ARHGAP15: variants seen among roughly 807,000 people sequenced by gnomAD.
The protein encoded by ARHGAP15 is rho GTPase-activating protein 15.
In ARHGAP15, 51 loss-of-function variants were observed where a neutral mutation model predicts 63.7. The ratio of observed to expected loss-of-function variants is 0.80; its 90% CI spans 0.64 to 1.01. ARHGAP15 has a LOEUF of 1.01. Among genes scored for constraint, ARHGAP15 ranks in the 50% least tolerant of loss-of-function variants. ARHGAP15 has a pLI of 0.00. For synonymous variants in ARHGAP15, 191 were observed against 193.8 expected (o/e 0.99, Z 0.12); for missense variants, 560 against 564.6 (o/e 0.99, Z 0.08).
At chr2:143,431,668 T>C (rs1226241473) in intron 6 of ARHGAP15, among the ~76,000 whole-genome samples, 1 of 152,056 alleles carries the variant, frequency 6.6e-6, no homozygotes, top group African/African-American at 2.4e-5. Context: ...TTTCTATTGT[T>C]ATTTATCTGT....
chr2:143,217,749 G>A (rs1175136718), intron 4 of ARHGAP15, among the ~76,000 whole-genome samples: 1 of 152,102 alleles, frequency 6.6e-6, no homozygotes, highest in African/African-American at 2.4e-5. Flanking sequence ...CTCTCCCCAA[G>A]ATGAGTAAGT....
intron 11 of ARHGAP15, among the ~76,000 whole-genome samples, chr2:143,599,459 A>G (rs1320423226): frequency 6.6e-6 from 1 of 152,134 alleles, no homozygotes; most frequent in Non-Finnish European, 1.5e-5. Flanking sequence ...AGCAATGGGC[A>G]ATGTGAGTGT....
chr2:143,416,818 A>ACCCCCC (rs1558957067), intron 6 of ARHGAP15, among the ~76,000 whole-genome samples: 1 of 96,506 alleles, frequency 1.0e-5, no homozygotes, highest in African/African-American at 4.2e-5. Context: ...CACTTCCCCC[A>ACCCCCC]CCACCCCCCC....
intron 12 of ARHGAP15, among the ~76,000 whole-genome samples, chr2:143,692,408 TCAA>T (rs538529108): frequency 3.9e-5 from 6 of 152,072 alleles, no homozygotes; most frequent in Non-Finnish European, 8.8e-5. Flanking sequence ...TCATTAGCAC[TCAA>T]CAATTCACCC....
intron 13 of ARHGAP15, among the ~76,000 whole-genome samples, chr2:143,721,779 C>T (rs1321324093): frequency 6.6e-6 from 1 of 152,042 alleles, no homozygotes; most frequent in Non-Finnish European, 1.5e-5. Context: ...CTCCGCCTCC[C>T]GGGTTCAAGC....
chr2:143,654,612 A>G (rs1383844829), intron 12 of ARHGAP15, among the ~76,000 whole-genome samples: 1 of 152,206 alleles, frequency 6.6e-6, no homozygotes, highest in Non-Finnish European at 1.5e-5. Context: ...CTGAGAATAG[A>G]TACAAGCATC....
chr2:143,406,857 G>A (rs1172312800), intron 6 of ARHGAP15, among the ~76,000 whole-genome samples: 1 of 151,824 alleles, frequency 6.6e-6, no homozygotes, highest in Admixed American at 6.6e-5. Context: ...CCATCTTATG[G>A]TTCCATCTTC....
chr2:143,413,817 A>C (rs768426218), intron 6 of ARHGAP15, among the ~76,000 whole-genome samples: 3 of 152,086 alleles, frequency 2.0e-5, no homozygotes, highest in Non-Finnish European at 2.9e-5. Flanking sequence ...AGAAGAAGCA[A>C]GACCAAACTG....
chr2:143,542,690 G>C (rs10175183), intron 10 of ARHGAP15, among the ~76,000 whole-genome samples: 1 of 79,358 alleles, frequency 1.3e-5, no homozygotes, highest in African/African-American at 4.0e-5. Context: ...ATGATATATA[G>C]TATCACATAT....
chr2:143,511,171 A>AGC (rs2104959862), intron 9 of ARHGAP15, among the ~76,000 whole-genome samples: 1 of 152,384 alleles, frequency 6.6e-6, no homozygotes, highest in Admixed American at 6.5e-5. Flanking sequence ...GAGCTTAAAG[A>AGC]TTAAAAACCA....
chr2:143,685,609 G>A (rs969991872), intron 12 of ARHGAP15, among the ~76,000 whole-genome samples: 30 of 152,256 alleles, frequency 2.0e-4, no homozygotes, highest in African/African-American at 7.0e-4. Flanking sequence ...CGTGCACAAA[G>A]GGATACAGAG....
At chr2:143,279,219 T>G (rs1681722172) in intron 6 of ARHGAP15, among the ~76,000 whole-genome samples, 1 of 152,128 alleles carries the variant, frequency 6.6e-6, no homozygotes, top group Non-Finnish European at 1.5e-5. Context: ...CTTCTAGAAT[T>G]TTTTCCTCTT....
intron 12 of ARHGAP15, among the ~76,000 whole-genome samples, chr2:143,687,260 T>A (rs1683394775): frequency 6.6e-6 from 1 of 152,170 alleles, no homozygotes; most frequent in South Asian, 2.1e-4. Context: ...AATGAACAGC[T>A]GACTATTTTC....
chr2:143,525,205 G>A (rs1266118289), intron 10 of ARHGAP15, among the ~76,000 whole-genome samples: 1 of 152,130 alleles, frequency 6.6e-6, no homozygotes, highest in African/African-American at 2.4e-5. Flanking sequence ...CATGAAGAAT[G>A]TGCAATTTGT....
In ARHGAP15 at chr2:143,202,201, T is replaced by C. The variant is rs1273565934; in HGVS notation, c.233T>C (p.Leu78Pro). The change falls in exon 3 of 14, where the codon CTG becomes CCG. Residue 78 changes from leucine (L) to proline (P), a missense_variant and splice_region_variant. Physicochemically the swap from Leu to Pro is moderately conservative, Grantham distance 98. Transcript: ENST00000295095. ...GATGTCATTCCTCCATTGGAACAAC[T>C]GGTGAGTGTTTAAGTCATTATATTC... ...LKDVIPPLEQ[L>P]MVEKEGYLQK... 1.2e-6 allele frequency: 2 copies of C among 1,609,530 alleles called. No individual in the cohort carries two copies. Among genetic ancestry groups the C allele is most frequent in the East Asian group, 4.5e-5 (2 of 44,842 alleles).
rs868045668 is a variant in ARHGAP15, at chr2:143,390,741, A to G, written c.475-44860A>G. Among the ~76,000 whole-genome samples the G allele has an allele frequency of 3.6e-5, 5 of 140,364 alleles. No individual in the cohort carries two copies. The East Asian group carries it at 8.0e-4, about 22-fold the overall frequency. The allele number at this position is 140,364 out of a possible 152,430, so 92.1% of individuals were successfully genotyped here. A position where few individuals can be genotyped will look rare whatever the true frequency, so the allele number is the denominator to read the frequency against. On this transcript the variant is annotated intron_variant, in intron 6 of 13. Transcript: ENST00000295095. Reference sequence around the variant, plus strand: ...CCTTGGAAAACACATGCACACACACACACACACACACACACACACACACAC... The same window carrying G: ...CCTTGGAAAACACATGCACACACACGCACACACACACACACACACACACAC...
In ARHGAP15 at chr2:143,695,387, C is replaced by A. The variant is rs144097668; in HGVS notation, c.1139-8032C>A. 6.0e-4 allele frequency among the ~76,000 whole-genome samples: 92 copies of A among 152,258 alleles called. 1 individual carries two copies. Among genetic ancestry groups the A allele is most frequent in the African/African-American group, 2.1e-3 (87 of 41,564 alleles). ...GAAATTCTAGGAAGGACAATAGGAT[C>A]ATGCTTTTCCTGTGAAGATTGCTGC... On this transcript the variant is annotated intron_variant, in intron 12 of 13. Coordinates refer to ENST00000295095, the MANE Select transcript of ARHGAP15 (RefSeq NM_018460.4).
intron 11 of ARHGAP15, among the ~76,000 whole-genome samples, chr2:143,567,861 G>A (rs1696293371): frequency 6.6e-6 from 1 of 152,126 alleles, no homozygotes; most frequent in African/African-American, 2.4e-5. Context: ...TCTTGCTATG[G>A]CTTCAGTGAA....
chr2:143,359,405 A>G (rs1242096777), intron 6 of ARHGAP15, among the ~76,000 whole-genome samples: 1 of 152,120 alleles, frequency 6.6e-6, no homozygotes, highest in East Asian at 1.9e-4. Flanking sequence ...CACCTTTCAT[A>G]ATTTCCCCCT....
Sources: gnomAD v4.1 joint callset for allele counts (sites outside exome capture counted in the v4.1 genomes callset) on GRCh38, gnomAD v4.1.1 for gene constraint, MANE v1.5 for transcripts, NCBI Gene and HGNC (gene_info 2026-07-23, HGNC 2026-07-21) for gene names.